ITLN2: variants seen among roughly 807,000 people sequenced by gnomAD.
ITLN2 encodes intelectin 2.
A neutral mutation model predicts 39.4 loss-of-function variants in ITLN2; 29 were observed. The observed-to-expected ratio is 0.74, with a 90% CI of 0.55 to 1.00. The LOEUF (loss-of-function observed/expected upper bound fraction) is 1.00, where lower values mean the gene tolerates loss of function less well. Ranked by LOEUF, ITLN2 falls within the 50% of genes least tolerant of loss-of-function variation. The pLI is 0.00. For synonymous variants in ITLN2, 156 were observed against 153.4 expected (o/e 1.02, Z -0.12); for missense variants, 412 against 416.7 (o/e 0.99, Z 0.10).
chr1:160,950,318 C>T, intron 5 of ITLN2, 152 bp from the exon 6 acceptor site: 1 of 945,594 alleles, frequency 1.1e-6, no homozygotes, highest in East Asian at 2.5e-5. Context: ...CCCAACAGCC[C>T]CAAACCCCTT....
rs1671775614 is a variant in ITLN2, at chr1:160,952,808, G to C, written c.80-75C>G. 5.7e-6 allele frequency: 6 copies of C among 1,058,144 alleles called. No homozygotes were observed. In the Admixed American group the frequency reaches 7.2e-5, roughly 13 times the overall value. The allele number at this position is 1,058,144 out of a possible 1,614,324, so 65.5% of individuals were successfully genotyped here. ...TCTTTCCTGGCCAATCTCTGCCCCT[G>C]TATCAACTCATCACTCTGCTCTGAA... On this transcript the variant is annotated intron_variant, in intron 2 of 7. Coordinates refer to ENST00000368029, the MANE Select transcript of ITLN2 (RefSeq NM_080878.3).
intron 7 of ITLN2, among the ~76,000 whole-genome samples, chr1:160,945,697 A>G (rs1201304448): frequency 1.3e-5 from 2 of 152,186 alleles, no homozygotes; most frequent in African/African-American, 4.8e-5. Context: ...GGCAGGGAAG[A>G]TGGAACCGTG....
In ITLN2 at chr1:160,954,731, A is replaced by G. The variant is rs771032021; in HGVS notation, c.11T>C (p.Met4Thr). Residue 4 changes from methionine (M) to threonine (T), a missense_variant, in exon 1 of 8, where the codon ATG becomes ACG. Met to Thr is a moderately conservative substitution (Grantham distance 81). Coordinates refer to ENST00000368029, the MANE Select transcript of ITLN2 (RefSeq NM_080878.3). ...GATCAAAAACATTTTTCTCACCAGC[A>G]TGGACAGCATCCTTACAGATGCCAG... MLS[M>T]LRTMTRLCFL... is the part of the protein sequence containing the mutation. 8 of 1,613,988 alleles carry G rather than the reference A, an allele frequency of 5.0e-6. No homozygotes were observed. Among genetic ancestry groups the G allele is most frequent in the African/African-American group, 4.0e-5 (3 of 74,938 alleles).
At chr1:160,947,817 T>C in intron 7 of ITLN2, 112 bp downstream of exon 7, 1 of 737,066 alleles carries the variant, frequency 1.4e-6, no homozygotes, top group Non-Finnish European at 2.3e-6. Flanking sequence ...TTTTTCTTAG[T>C]ACAGATTAAA....
intron 7 of ITLN2, 65 bp downstream of exon 7, chr1:160,947,864 C>T: frequency 9.1e-7 from 1 of 1,094,502 alleles, no homozygotes; most frequent in East Asian, 2.4e-5. Flanking sequence ...TACATAGACA[C>T]AGTAACAATC....
intron 7 of ITLN2, among the ~76,000 whole-genome samples, chr1:160,946,887 C>T (rs1047555259): frequency 6.6e-6 from 1 of 151,870 alleles, no homozygotes; most frequent in Non-Finnish European, 1.5e-5. Flanking sequence ...CATGTGCATA[C>T]CCATGCACAC....
chr1:160,952,654 G>A lies in ITLN2; in HGVS notation c.159C>T (p.Cys53=), dbSNP rs1466494627. Residue 53 remains cysteine, a synonymous_variant, in exon 3 of 8, where the codon TGC becomes TGT. Transcript: ENST00000368029. ...TATGGCAGCGTTCCTTGATTTCTTTGCAGCTTCTAGGCAGGGAAGAAAAGG... is the reference window on the plus strand; with the variant it reads ...TATGGCAGCGTTCCTTGATTTCTTTACAGCTTCTAGGCAGGGAAGAAAAGG... ...AFSFSSLPRS[C]KEIKERCHSA... is the part of the protein sequence containing the mutation. The A allele has an allele frequency of 6.2e-7, 1 of 1,614,044 alleles. No individual in the cohort carries two copies. Among genetic ancestry groups the A allele is most frequent in the Admixed American group, 1.7e-5 (1 of 60,016 alleles).
At chr1:160,948,090 A>T in intron 6 of ITLN2, 58 bp from the exon 7 acceptor site, 1 of 1,421,854 alleles carries the variant, frequency 7.0e-7, no homozygotes, top group Non-Finnish European at 9.9e-7. Flanking sequence ...TAGAAGCAGC[A>T]TCCCATTGGC....
intron 7 of ITLN2, among the ~76,000 whole-genome samples, 158 bp from the exon 8 acceptor site, chr1:160,945,450 T>C (rs373654640): frequency 5.9e-5 from 9 of 152,204 alleles, no homozygotes; most frequent in African/African-American, 1.9e-4. Flanking sequence ...CCTGGCCCTA[T>C]GCATGTATTT....
Position 160,945,277 on chromosome 1 carries a change from C to T in ITLN2, c.841G>A (p.Gly281Arg), listed in dbSNP as rs756215867. ...CNTEHHCIGG[G>R]GFFPQGKPRQ... is the part of the protein sequence containing the mutation. ...GGTTTGCCCTGTGGGAAGAACCCTCCTCCACCGATGCAGTGCTGGGAAACA... is the reference window on the plus strand; with the variant it reads ...GGTTTGCCCTGTGGGAAGAACCCTCTTCCACCGATGCAGTGCTGGGAAACA... Residue 281 changes from glycine to arginine, a missense_variant, in exon 8 of 8, where the codon GGA becomes AGA. Coordinates refer to ENST00000368029, the MANE Select transcript of ITLN2 (RefSeq NM_080878.3). The T allele has an allele frequency of 1.3e-6, 2 of 1,573,496 alleles. No homozygotes were observed. The highest frequency in any genetic ancestry group is 1.2e-5 in the South Asian group (1 of 83,862).
chr1:160,953,135 T>A (rs564989899), intron 2 of ITLN2, among the ~76,000 whole-genome samples: 1 of 151,890 alleles, frequency 6.6e-6, no homozygotes, highest in South Asian at 2.1e-4. Flanking sequence ...GATGGGAGAA[T>A]GGGAGCTGGC....
intron 3 of ITLN2, among the ~76,000 whole-genome samples, chr1:160,951,835 C>T (rs770352214): frequency 6.6e-6 from 1 of 152,212 alleles, no homozygotes; most frequent in Non-Finnish European, 1.5e-5. Flanking sequence ...AAGATGGGAA[C>T]CTTGTGAGGA....
intron 5 of ITLN2, 79 bp downstream of exon 5, chr1:160,950,474 G>A (rs1671714298): frequency 1.3e-6 from 2 of 1,512,446 alleles, no homozygotes; most frequent in Admixed American, 3.7e-5. Context: ...GGAACCACAG[G>A]ACAGATCTGC....
chr1:160,947,930 T>C lies in ITLN2; in HGVS notation c.824A>G (p.His275Arg), dbSNP rs1321108819. The change falls in exon 7 of 8, where the codon CAT (histidine) becomes CGT (arginine). Residue 275 changes from histidine (H) to arginine (R), a missense_variant and splice_region_variant. Physicochemically the swap from His to Arg is conservative, Grantham distance 29 (BLOSUM62 0). Transcript: ENST00000368029. ...GIKVTGCNTE[H>R]HCIGGGGFFP... The stretch of plus-strand genomic sequence containing the variant: ...CCATTGATCTCCCCAAAAACTCACA[T>C]GCTCAGTGTTACAGCCAGTAACTTT... 2 of 1,610,460 alleles carry C rather than the reference T, an allele frequency of 1.2e-6. No individual in the cohort carries two copies. The highest frequency in any genetic ancestry group is 2.7e-5 in the African/African-American group (2 of 74,814).
intron 7 of ITLN2, among the ~76,000 whole-genome samples, chr1:160,946,853 T>A (rs1671616349): frequency 6.6e-6 from 1 of 151,550 alleles, no homozygotes; most frequent in Admixed American, 6.6e-5. Flanking sequence ...AGACACACAT[T>A]GATACACCCC....
intron 7 of ITLN2, among the ~76,000 whole-genome samples, chr1:160,946,586 C>G (rs1484628959): frequency 1.3e-5 from 2 of 148,892 alleles, no homozygotes; most frequent in Non-Finnish European, 3.0e-5. Context: ...GGTGGTGGGC[C>G]CCTGTAGTCC....
At position 160,950,131 on chromosome 1, in the gene ITLN2, C is replaced by T; in HGVS notation, c.636G>A (p.Trp212Ter). The change falls in exon 6 of 8, where the codon TGG becomes TGA. Residue 212 changes from tryptophan (W) to a stop codon, truncating the protein, a stop_gained. Transcript: ENST00000368029. LOFTEE classifies it high-confidence loss of function. ...CAGGTATGGCTGGGCCATTGTCATT[C>T]CAACATTTCCCTGATCTGTATTTCA... ...YPVKYRSGKC[W>*]NDNGPAIPVV... 1 of 1,613,798 alleles carries T rather than the reference C, an allele frequency of 6.2e-7. No individual in the cohort carries two copies. Among genetic ancestry groups the T allele is most frequent in the Non-Finnish European group, 8.5e-7 (1 of 1,179,692 alleles).
chr1:160,948,112 T>C (rs1556519), intron 6 of ITLN2, 80 bp from the exon 7 acceptor site: 331,488 of 1,172,834 alleles, frequency 0.28, 49,896 homozygotes, highest in Admixed American at 0.41. Context: ...AGTCCAGGGA[T>C]TCCCTAAGCC....
chr1:160,951,057 T>C lies in ITLN2; in HGVS notation c.427A>G (p.Ser143Gly), dbSNP rs1671730493. 1 of 1,614,052 alleles carries C rather than the reference T, an allele frequency of 6.2e-7. No homozygotes were observed. Among genetic ancestry groups the C allele is most frequent in the Non-Finnish European group, 8.5e-7 (1 of 1,180,042 alleles). ...GTGGCACCAACCTTGTAGTCATCGC[T>C]CGTGGCCGCCTCTGCAGATCCAAAG... ...NTFGSAEAAT[S>G]DDYKNPGYYD... is the part of the protein sequence containing the mutation. Residue 143 changes from serine (S) to glycine (G), a missense_variant, in exon 4 of 8, where the codon AGC becomes GGC. By Grantham distance (56) the Ser-to-Gly change is moderately conservative. Coordinates refer to ENST00000368029, the MANE Select transcript of ITLN2 (RefSeq NM_080878.3).
Sources: gnomAD v4.1 joint callset for allele counts (sites outside exome capture counted in the v4.1 genomes callset) on GRCh38, gnomAD v4.1.1 for gene constraint, MANE v1.5 for transcripts, NCBI Gene and HGNC (gene_info 2026-07-23, HGNC 2026-07-21) for gene names.